LPIN2: variants seen among roughly 807,000 people sequenced by gnomAD.
LPIN2 encodes the protein lipin 2.
Under a neutral mutation model 111.4 loss-of-function variants are expected in LPIN2, and 55 were observed. The ratio of observed to expected loss-of-function variants is 0.49; its 90% confidence interval spans 0.40 to 0.62. The LOEUF is 0.62. Ranked by LOEUF, LPIN2 falls within the 20% of genes least tolerant of loss-of-function variation. The probability of loss-of-function intolerance (pLI) is 0.00; values close to 1 mark genes in which losing one functional copy is unlikely to be tolerated. For synonymous variants in LPIN2, 425 were observed against 414.0 expected (o/e 1.03, Z -0.32); for missense variants, 992 against 1,112.1 (o/e 0.89, Z 1.54).
At chr18:2,955,227 TAAAGA>T (rs2077591479) in intron 2 of LPIN2, among the ~76,000 whole-genome samples, 1 of 152,168 alleles carries the variant, frequency 6.6e-6, no homozygotes, top group Non-Finnish European at 1.5e-5. Context: ...GGGCAATTTA[TAAAGA>T]AAAGAGGTTT....
rs186210843 is a variant in LPIN2 at position 2,978,931 on chromosome 18, C to T, written c.-9-18082G>A. 7 of 152,384 alleles carry T rather than the reference C, an allele frequency of 4.6e-5. No individual in the cohort carries two copies. The East Asian group carries it at 1.4e-3, about 29-fold the overall frequency. 9.4% of individuals were successfully genotyped at this position (152,384 alleles called of 1,614,324 possible). ...ACTTTTGAAAGCCTCCAAATGATCCCAGAATGTAGCACATCTCAAGCTGTG... is the reference window on the plus strand; with the variant it reads ...ACTTTTGAAAGCCTCCAAATGATCCTAGAATGTAGCACATCTCAAGCTGTG... On this transcript the variant is annotated intron_variant, in intron 1 of 19. Coordinates refer to ENST00000677752, the MANE Select transcript of LPIN2 (RefSeq NM_001375808.2).
At position 2,920,141 on chromosome 18, in the gene LPIN2, G is replaced by T; in HGVS notation, c.*152C>A. The T allele has an allele frequency of 2.0e-6, 2 of 1,008,768 alleles. No individual in the cohort carries two copies. The highest frequency in any genetic ancestry group is 3.0e-6 in the Non-Finnish European group (2 of 667,726). 62.5% of individuals were successfully genotyped at this position (1,008,768 alleles called of 1,614,324 possible). A position where few individuals can be genotyped will look rare whatever the true frequency, so the allele number is the denominator to read the frequency against. ...CAGACCTGCCGAGCCTGAGCAGCTG[G>T]CCTGGGAAGGCAAAGGAGGATGGCG... On this transcript the variant is annotated 3_prime_UTR_variant, in exon 20 of 20. Transcript: ENST00000677752.
chr18:2,928,727 T>G (rs889350328), intron 10 of LPIN2, 67 bp from the exon 11 acceptor site: 1 of 1,112,318 alleles, frequency 9.0e-7, no homozygotes, highest in Non-Finnish European at 1.4e-6. Context: ...GGGGAGGGAA[T>G]CAGGGAGGGA....
At chr18:2,931,559 T>C in intron 8 of LPIN2, 116 bp from the exon 9 acceptor site, 1 of 956,648 alleles carries the variant, frequency 1.0e-6, no homozygotes, top group Non-Finnish European at 1.6e-6. Flanking sequence ...AAAGAACGGA[T>C]GGACCTACAA....
chr18:2,922,006 T>C, intron 17 of LPIN2, 41 bp downstream of exon 17: 7 of 1,597,554 alleles, frequency 4.4e-6, no homozygotes, highest in Non-Finnish European at 6.0e-6. Context: ...CCCGCCCACA[T>C]GCTGGGGCGG....
intron 1 of LPIN2, among the ~76,000 whole-genome samples, chr18:2,988,863 T>C (rs891956597): frequency 2.6e-5 from 4 of 152,210 alleles, no homozygotes; most frequent in Non-Finnish European, 5.9e-5. Flanking sequence ...CAACATACTT[T>C]AATATAAAAA....
chr18:2,954,664 G>C, intron 2 of LPIN2, 65 bp from the exon 3 acceptor site: 1 of 1,116,834 alleles, frequency 9.0e-7, no homozygotes, highest in African/African-American at 1.5e-5. Context: ...AACTAAACCA[G>C]AACTCTGAGT....
At position 2,917,848 on chromosome 18, in the gene LPIN2, T is replaced by TA. The variant is rs1343728894; in HGVS notation, c.*2444dup. 1 of 152,080 alleles carries TA rather than the reference T, an allele frequency of 6.6e-6. No individual in the cohort carries two copies. The highest frequency in any genetic ancestry group is 1.9e-4 in the East Asian group (1 of 5,190). 9.4% of individuals were successfully genotyped at this position (152,080 alleles called of 1,614,324 possible). On this transcript the variant is annotated 3_prime_UTR_variant, in exon 20 of 20. Coordinates refer to ENST00000677752, the MANE Select transcript of LPIN2 (RefSeq NM_001375808.2). ...TGGAGTAACTGAGAGAATAATGACT[T>TA]AGAGCCCAATCTGCCTGCCATCTCC...
intron 7 of LPIN2, among the ~76,000 whole-genome samples, 165 bp downstream of exon 7, chr18:2,937,527 A>G (rs998709492): frequency 3.4e-5 from 5 of 147,186 alleles, no homozygotes; most frequent in Non-Finnish European, 7.5e-5. Context: ...CCTGGGTAAC[A>G]AGAGCGAAAC....
At chr18:2,938,515 C>T (rs549925385) in intron 6 of LPIN2, among the ~76,000 whole-genome samples, 2 of 151,760 alleles carry the variant, frequency 1.3e-5, no homozygotes, top group Non-Finnish European at 2.9e-5. Flanking sequence ...CAGAGCAAGA[C>T]TTTATCTCAA....
rs951543736 is a variant in LPIN2 at position 2,919,442 on chromosome 18, G to A, written c.*851C>T. 1 of 152,256 alleles carries A rather than the reference G, an allele frequency of 6.6e-6. No individual in the cohort carries two copies. Among genetic ancestry groups the A allele is most frequent in the Non-Finnish European group, 1.5e-5 (1 of 68,094 alleles). 9.4% of individuals were successfully genotyped at this position (152,256 alleles called of 1,614,324 possible). On this transcript the variant is annotated 3_prime_UTR_variant, in exon 20 of 20. Transcript: ENST00000677752. Reference sequence around the variant, plus strand: ...ACCAGGCAGCAAGCAGAGGGATTCAGCGCTCTTCCCAGGACCCCACTCAAC... The same window carrying A: ...ACCAGGCAGCAAGCAGAGGGATTCAACGCTCTTCCCAGGACCCCACTCAAC...
chr18:2,990,860 G>A, intron 1 of LPIN2: 1 of 467,082 alleles, frequency 2.1e-6, no homozygotes. Flanking sequence ...CAGGGACAAT[G>A]ATACTACCTC....
intron 1 of LPIN2, among the ~76,000 whole-genome samples, chr18:3,010,989 G>A (rs1280449632): frequency 6.6e-6 from 1 of 152,156 alleles, no homozygotes; most frequent in Non-Finnish European, 1.5e-5. Context: ...TCACTGGTAA[G>A]GACAAACTGC....
intron 1 of LPIN2, among the ~76,000 whole-genome samples, chr18:2,998,227 C>T (rs547806991): frequency 1.3e-5 from 2 of 152,172 alleles, no homozygotes; most frequent in Admixed American, 1.3e-4. Flanking sequence ...TCAATGCCAC[C>T]AATCACTCAG....
intron 1 of LPIN2, among the ~76,000 whole-genome samples, chr18:2,976,562 T>C (rs756471301): frequency 6.6e-6 from 1 of 152,218 alleles, no homozygotes; most frequent in East Asian, 1.9e-4. Flanking sequence ...TCTGCGTGGA[T>C]TGTTTACATG....
intron 1 of LPIN2, among the ~76,000 whole-genome samples, chr18:2,971,417 C>T (rs2077908310): frequency 6.6e-6 from 1 of 152,100 alleles, no homozygotes; most frequent in South Asian, 2.1e-4. Context: ...TGTGAGTGCC[C>T]AAGGCCCCCT....
chr18:2,946,476 C>T (rs750584937), intron 4 of LPIN2: 26 of 1,540,650 alleles, frequency 1.7e-5, no homozygotes, highest in Admixed American at 1.7e-5. Flanking sequence ...CAAGCATCGT[C>T]GGAATTGGTC....
Position 2,926,703 on chromosome 18 carries a change from G to T in LPIN2, c.1793+20C>A. 2 of 1,608,240 alleles carry T rather than the reference G, an allele frequency of 1.2e-6. No homozygotes were observed. Among genetic ancestry groups the T allele is most frequent in the Non-Finnish European group, 1.7e-6 (2 of 1,178,228 alleles). ...AGAGGGCCTGAGTGCTATGAGCCGGGCAGAGGACAGGGCACCCACCTGGCA... is the reference window on the plus strand; with the variant it reads ...AGAGGGCCTGAGTGCTATGAGCCGGTCAGAGGACAGGGCACCCACCTGGCA... On this transcript the variant is annotated intron_variant, in intron 13 of 19. Transcript: ENST00000677752.
Position 2,924,508 on chromosome 18 carries a change from CACA to C in LPIN2, c.1974_1976del (p.Val659del), listed in dbSNP as rs1384785262. On this transcript the variant is annotated inframe_deletion, in exon 15 of 20. Coordinates refer to ENST00000677752, the MANE Select transcript of LPIN2 (RefSeq NM_001375808.2). ...CTTGATACTGGGTTGTAATACTAAA[CACA>C]ACATCATTTGGGCCATCGTGGAGCT... is the stretch of plus-strand genomic sequence containing the variant. The C allele has an allele frequency of 1.9e-6, 3 of 1,614,200 alleles. No individual in the cohort carries two copies. The highest frequency in any genetic ancestry group is 1.7e-6 in the Non-Finnish European group (2 of 1,180,020).
Sources: gnomAD v4.1 joint callset for allele counts (sites outside exome capture counted in the v4.1 genomes callset) on GRCh38, gnomAD v4.1.1 for gene constraint, MANE v1.5 for transcripts, NCBI Gene and HGNC (gene_info 2026-07-23, HGNC 2026-07-21) for gene names.